The following NCAM2 variants were observed in gnomAD, a reference collection of about 807,000 sequenced individuals.
NCAM2 encodes N-CAM-2.
A neutral mutation model predicts 98.1 loss-of-function variants in NCAM2; 30 were observed. The ratio of observed to expected loss-of-function variants is 0.31; its 90% confidence interval spans 0.23 to 0.41. NCAM2 has a LOEUF of 0.41. Among genes scored for constraint, NCAM2 ranks in the 10% least tolerant of loss-of-function variants. The probability of loss-of-function intolerance (pLI) is 1.00; values close to 1 mark genes in which losing one functional copy is unlikely to be tolerated. For missense variants in NCAM2, 867 were observed against 1,005.8 expected, an observed-to-expected ratio of 0.86 and a Z score of 1.87; for synonymous variants, 368 against 342.4, an observed-to-expected ratio of 1.07 and a Z score of -0.83.
At chr21:21,364,358 G>A (rs191257739) in intron 8 of NCAM2, among the ~76,000 whole-genome samples, 145 of 151,888 alleles carry the variant, frequency 9.5e-4, no homozygotes, top group Admixed American at 1.8e-3. Context: ...TACCCTTCTT[G>A]AACTTCTCAC....
intron 1 of NCAM2, among the ~76,000 whole-genome samples, chr21:21,040,812 A>G (rs918997800): frequency 6.6e-6 from 1 of 152,170 alleles, no homozygotes; most frequent in African/African-American, 2.4e-5. Context: ...GCTAATGGCT[A>G]CAAAATTACA....
At chr21:21,140,361 AC>A (rs1942802998) in intron 1 of NCAM2, among the ~76,000 whole-genome samples, 1 of 152,210 alleles carries the variant, frequency 6.6e-6, no homozygotes, top group Admixed American at 6.5e-5. Context: ...CTGAAAATGC[AC>A]ATCAGGGTCT....
At chr21:21,252,467 C>T (rs1206942076) in intron 1 of NCAM2, among the ~76,000 whole-genome samples, 1 of 151,120 alleles carries the variant, frequency 6.6e-6, no homozygotes, top group Non-Finnish European at 1.5e-5. Flanking sequence ...AATCTAATCA[C>T]CTTCATTATA....
chr21:21,056,519 T>TGC (rs1355242426), intron 1 of NCAM2, among the ~76,000 whole-genome samples: 7 of 148,974 alleles, frequency 4.7e-5, no homozygotes, highest in Non-Finnish European at 1.0e-4. Flanking sequence ...TGTGTGTGTG[T>TGC]GTGTGCATGA....
At chr21:21,040,864 C>T (rs1463270570) in intron 1 of NCAM2, among the ~76,000 whole-genome samples, 2 of 151,998 alleles carry the variant, frequency 1.3e-5, no homozygotes, top group East Asian at 1.9e-4. Context: ...ATGGCACTGT[C>T]GGTGACTCTA....
chr21:21,194,741 A>G (rs1380746897), intron 1 of NCAM2, among the ~76,000 whole-genome samples: 2 of 152,074 alleles, frequency 1.3e-5, no homozygotes, highest in Non-Finnish European at 2.9e-5. Flanking sequence ...TAAAATATCC[A>G]TTTTTTCAAG....
intron 1 of NCAM2, among the ~76,000 whole-genome samples, chr21:21,072,528 C>A (rs1412923389): frequency 1.3e-5 from 2 of 152,010 alleles, no homozygotes; most frequent in African/African-American, 4.8e-5. Flanking sequence ...TGTAAAATAT[C>A]ATTAAAAAGT....
intron 1 of NCAM2, among the ~76,000 whole-genome samples, chr21:21,176,855 AC>A (rs2068306398): frequency 6.6e-6 from 1 of 151,884 alleles, no homozygotes; most frequent in Non-Finnish European, 1.5e-5. Flanking sequence ...GGATTATAGA[AC>A]TGTTTGTTGA....
chr21:21,088,376 A>G (rs908793484), intron 1 of NCAM2, among the ~76,000 whole-genome samples: 2 of 152,230 alleles, frequency 1.3e-5, no homozygotes, highest in African/African-American at 4.8e-5. Context: ...ATCTTCAATA[A>G]CTGTATTTAA....
chr21:21,530,436 C>T (rs1989626208), intron 16 of NCAM2, among the ~76,000 whole-genome samples: 1 of 149,120 alleles, frequency 6.7e-6, no homozygotes, highest in African/African-American at 2.5e-5. Context: ...AAATCAAAGA[C>T]CTTAATCAAT....
intron 1 of NCAM2, among the ~76,000 whole-genome samples, chr21:21,103,357 G>A (rs958213037): frequency 6.6e-6 from 1 of 152,016 alleles, no homozygotes; most frequent in African/African-American, 2.4e-5. Flanking sequence ...ACAAAAGGCT[G>A]ATTATTTGAA....
intron 1 of NCAM2, among the ~76,000 whole-genome samples, chr21:21,093,121 A>C (rs1467856): frequency 6.6e-6 from 1 of 151,888 alleles, no homozygotes; most frequent in Admixed American, 6.6e-5. Context: ...TAAGAATAAT[A>C]AATTGGGTCA....
At chr21:21,379,508 T>G (rs1236699814) in intron 9 of NCAM2, among the ~76,000 whole-genome samples, 2 of 152,138 alleles carry the variant, frequency 1.3e-5, no homozygotes, top group African/African-American at 4.8e-5. Flanking sequence ...GATTTCAACT[T>G]TGGCTCATAG....
chr21:21,428,757 A>G (rs2077267714), intron 11 of NCAM2, among the ~76,000 whole-genome samples: 1 of 152,254 alleles, frequency 6.6e-6, no homozygotes, highest in African/African-American at 2.4e-5. Context: ...AGAAAAATCC[A>G]GAAAGTGAAG....
chr21:21,255,228 G>C (rs2071624359), intron 1 of NCAM2, among the ~76,000 whole-genome samples: 1 of 152,166 alleles, frequency 6.6e-6, no homozygotes, highest in Non-Finnish European at 1.5e-5. Context: ...GTACGTTGGA[G>C]TACACTGGAA....
intron 8 of NCAM2, among the ~76,000 whole-genome samples, chr21:21,350,145 G>A (rs186832357): frequency 1.3e-5 from 2 of 151,904 alleles, no homozygotes; most frequent in Non-Finnish European, 2.9e-5. Flanking sequence ...TTTTCACATT[G>A]CATGCCTGTA....
At chr21:21,047,619 A>T (rs2065027756) in intron 1 of NCAM2, among the ~76,000 whole-genome samples, 1 of 152,218 alleles carries the variant, frequency 6.6e-6, no homozygotes, top group African/African-American at 2.4e-5. Flanking sequence ...GATAAATAAA[A>T]CTAATACACA....
chr21:21,355,863 C>T (rs2075465451), intron 8 of NCAM2, among the ~76,000 whole-genome samples: 1 of 152,014 alleles, frequency 6.6e-6, no homozygotes, highest in Admixed American at 6.5e-5. Flanking sequence ...CCCACCTCGG[C>T]CTCCCAAAGT....
At chr21:21,472,615 A>G (rs2146239844) in intron 14 of NCAM2, among the ~76,000 whole-genome samples, 1 of 152,080 alleles carries the variant, frequency 6.6e-6, no homozygotes, top group South Asian at 2.1e-4. Context: ...ACAGCAAGAA[A>G]TCAATAAAGA....
Sources: allele counts gnomAD v4.1 joint callset (sites outside exome capture counted in the v4.1 genomes callset), GRCh38; gene constraint gnomAD v4.1.1; transcripts MANE v1.5; gene names NCBI Gene and HGNC (gene_info 2026-07-23, HGNC 2026-07-21).